EBF3: variants seen among roughly 807,000 people sequenced by gnomAD.
EBF3 encodes EBF transcription factor 3.
Under a neutral mutation model 77.1 loss-of-function variants are expected in EBF3, and 18 were observed. The ratio of observed to expected loss-of-function variants is 0.23; its 90% CI spans 0.16 to 0.35. EBF3 has a LOEUF of 0.35. EBF3 is among the 10% of genes least tolerant of loss of function. The pLI is 1.00. For missense variants in EBF3, 558 were observed against 860.0 expected, an observed-to-expected ratio of 0.65 and a Z score of 4.39; for synonymous variants, 350 against 343.5, an observed-to-expected ratio of 1.02 and a Z score of -0.21.
At chr10:129,892,170 C>T (rs1019248273) in intron 6 of EBF3, among the ~76,000 whole-genome samples, 2 of 152,226 alleles carry the variant, frequency 1.3e-5, no homozygotes, top group East Asian at 3.9e-4. Context: ...GGGTCCCAGG[C>T]TCCAACTGAT....
chr10:129,890,013 GCCCCATTAATTGTT>G (rs2134191884), intron 6 of EBF3, among the ~76,000 whole-genome samples: 1 of 114,538 alleles, frequency 8.7e-6, no homozygotes, highest in East Asian at 3.0e-4. Flanking sequence ...AGAGTCAAAA[GCCCCATTAATTGTT>G]CATGTACCAG....
rs985640579 is a variant in EBF3, at chr10:129,836,443, G to A, written c.*1500C>T. 38 of 152,562 alleles carry A rather than the reference G, an allele frequency of 2.5e-4. No individual in the cohort carries two copies. The highest frequency in any genetic ancestry group is 7.9e-4 in the African/African-American group (33 of 41,512). 9.5% of individuals were successfully genotyped at this position (152,562 alleles called of 1,614,324 possible). On this transcript the variant is annotated 3_prime_UTR_variant, in exon 17 of 17. Coordinates refer to ENST00000440978, the MANE Select transcript of EBF3 (RefSeq NM_001375380.1). ...GCCCCAAACGGTGTCACCTCTTCGC[G>A]GCCGCTCCACATGCACAGAATCTAC...
rs932001217 is a variant in EBF3, at chr10:129,947,380, T to C, written c.554+9878A>G. Among the ~76,000 whole-genome samples, 1 of 152,244 alleles carries C rather than the reference T, an allele frequency of 6.6e-6. No homozygotes were observed. Among genetic ancestry groups the C allele is most frequent in the African/African-American group, 2.4e-5 (1 of 41,468 alleles). ...GTTGTGTTTTACTGTCAGCAATGGC[T>C]AAAGCTGGCCTAACATTTTGTTTGG... On this transcript the variant is annotated intron_variant, in intron 6 of 16. Transcript: ENST00000440978. This position sits in a 1 kb window ranked among gnomAD's most constrained non-coding sequence, Gnocchi z 4.5.
rs1849586447 is a variant in EBF3, at chr10:129,835,936, A to AAAAGT, written c.*2002_*2006dup. The AAAAGT allele has an allele frequency of 6.6e-6, 1 of 152,532 alleles. No homozygotes were observed. The highest frequency in any genetic ancestry group is 6.5e-5 in the Admixed American group (1 of 15,268). The allele number at this position is 152,532 out of a possible 1,614,324, so 9.4% of individuals were successfully genotyped here. On this transcript the variant is annotated 3_prime_UTR_variant, in exon 17 of 17. Coordinates refer to ENST00000440978, the MANE Select transcript of EBF3 (RefSeq NM_001375380.1). ...ATCTGAAGGAGGTCATTCCAGTTTT[A>AAAAGT]AAAGTACGGACAGTGCTGTTGGAAC...
In EBF3 at chr10:129,959,221, C is replaced by T. The variant is rs539669784; in HGVS notation, c.412-214G>A. Among the ~76,000 whole-genome samples the T allele has an allele frequency of 3.5e-4, 53 of 152,276 alleles. 2 individuals carry two copies. In the South Asian group the frequency reaches 0.01, roughly 30 times the overall value. ...CCCTCCCCTGCCTCCCAGCCTCCTC[C>T]CCCGGGCGCCCGCCAGGCCTGCGAG... On this transcript the variant is annotated intron_variant, in intron 4 of 16. Coordinates refer to ENST00000440978, the MANE Select transcript of EBF3 (RefSeq NM_001375380.1).
At chr10:129,876,885 A>ACGC (rs1852810848) in intron 7 of EBF3, among the ~76,000 whole-genome samples, 1 of 42,368 alleles carries the variant, frequency 2.4e-5, no homozygotes, top group Non-Finnish European at 4.4e-5. Flanking sequence ...TCATCCCTGA[A>ACGC]CCCCCCCCCC....
intron 6 of EBF3, among the ~76,000 whole-genome samples, chr10:129,948,333 C>G (rs1430965145): frequency 6.7e-6 from 1 of 148,406 alleles, no homozygotes; most frequent in African/African-American, 2.5e-5. Flanking sequence ...GCTACCAACT[C>G]TACAACATTC....
At chr10:129,896,297 T>G (rs1015812958) in intron 6 of EBF3, among the ~76,000 whole-genome samples, 1 of 152,234 alleles carries the variant, frequency 6.6e-6, no homozygotes, top group Non-Finnish European at 1.5e-5. Flanking sequence ...GCAGCCACCA[T>G]GCAAAAACAA....
intron 8 of EBF3, among the ~76,000 whole-genome samples, chr10:129,868,644 G>A (rs1852198381): frequency 6.6e-6 from 1 of 152,214 alleles, no homozygotes. Context: ...GCAGAAGGAG[G>A]GTGCAGGGGG....
chr10:129,917,954 C>T (rs1484368401), intron 6 of EBF3, among the ~76,000 whole-genome samples: 1 of 152,172 alleles, frequency 6.6e-6, no homozygotes, highest in East Asian at 1.9e-4. Context: ...TACCAGAGGA[C>T]CCAGAATGGG....
chr10:129,921,060 A>G (rs920819571), intron 6 of EBF3, among the ~76,000 whole-genome samples: 26 of 152,242 alleles, frequency 1.7e-4, no homozygotes, highest in Admixed American at 5.9e-4. Flanking sequence ...AAGAAGCTCC[A>G]GCATAGACAG....
intron 6 of EBF3, among the ~76,000 whole-genome samples, chr10:129,923,934 C>T (rs1415943563): frequency 6.6e-6 from 1 of 152,160 alleles, no homozygotes; most frequent in Admixed American, 6.5e-5. Flanking sequence ...AACTCCTAAA[C>T]CTCAACACCA....
chr10:129,947,487 T>C lies in EBF3; in HGVS notation c.554+9771A>G, dbSNP rs1245153347. On this transcript the variant is annotated intron_variant, in intron 6 of 16. Coordinates refer to ENST00000440978, the MANE Select transcript of EBF3 (RefSeq NM_001375380.1). This position sits in a 1 kb window ranked among gnomAD's most constrained non-coding sequence, Gnocchi z 4.5. The stretch of plus-strand genomic sequence containing the variant: ...GAATGCTGAATTCATTCTGTTCTTA[T>C]GCCACGGTGCAGTATATTTGCCTTC... 6.6e-6 allele frequency among the ~76,000 whole-genome samples: 1 copy of C among 152,216 alleles called. No homozygotes were observed. The highest frequency in any genetic ancestry group is 1.5e-5 in the Non-Finnish European group (1 of 68,044).
Position 129,848,414 on chromosome 10 carries a change from C to G in EBF3, c.1106G>C (p.Gly369Ala), listed in dbSNP as rs773058094. 1 of 1,614,222 alleles carries G rather than the reference C, an allele frequency of 6.2e-7. No homozygotes were observed. Among genetic ancestry groups the G allele is most frequent in the Non-Finnish European group, 8.5e-7 (1 of 1,180,040 alleles). ...AACCTTGGGTAACCTTTCGGGATCA[C>G]CCGGATGTCTTGGGATCACTTTCTG... Reference protein sequence around the residue: ...RLQKVIPRHPGDPERLPKEVL... With the variant: ...RLQKVIPRHPADPERLPKEVL... The change falls in exon 11 of 17, where the codon GGT becomes GCT. Residue 369 changes from glycine to alanine, a missense_variant. By Grantham distance (60) the Gly-to-Ala change is moderately conservative. Coordinates refer to ENST00000440978, the MANE Select transcript of EBF3 (RefSeq NM_001375380.1). The surrounding 1 kb of genome is among the most constrained non-coding windows in gnomAD (Gnocchi z 4.4).
At chr10:129,941,110 C>T (rs888612803) in intron 6 of EBF3, among the ~76,000 whole-genome samples, 10 of 152,166 alleles carry the variant, frequency 6.6e-5, no homozygotes, top group South Asian at 2.1e-4. Context: ...TGGGAAAATG[C>T]GTTTATTTTA....
At chr10:129,911,802 C>T (rs1855542858) in intron 6 of EBF3, among the ~76,000 whole-genome samples, 1 of 152,212 alleles carries the variant, frequency 6.6e-6, no homozygotes, top group Admixed American at 6.5e-5. Context: ...AGCCCAAGCC[C>T]AGGTGGACTC....
At chr10:129,884,305 T>A (rs1853418765) in intron 6 of EBF3, among the ~76,000 whole-genome samples, 1 of 152,142 alleles carries the variant, frequency 6.6e-6, no homozygotes, top group Non-Finnish European at 1.5e-5. Flanking sequence ...TATACAAGAC[T>A]ACATTCTGCT....
At chr10:129,916,573 C>A (rs1855898713) in intron 6 of EBF3, among the ~76,000 whole-genome samples, 2 of 152,216 alleles carry the variant, frequency 1.3e-5, no homozygotes, top group South Asian at 4.1e-4. Context: ...CTCCAGGAGG[C>A]TCAGAGGAGC....
intron 6 of EBF3, among the ~76,000 whole-genome samples, chr10:129,898,010 T>C (rs1400023326): frequency 2.0e-5 from 3 of 152,216 alleles, no homozygotes; most frequent in Non-Finnish European, 2.9e-5. Flanking sequence ...TAAATTTTCA[T>C]ATGAAAAGAG....
Sources: allele counts gnomAD v4.1 joint callset (sites outside exome capture counted in the v4.1 genomes callset), GRCh38; gene constraint gnomAD v4.1.1; non-coding constraint Gnocchi (gnomAD v3.1); transcripts MANE v1.5; gene names NCBI Gene and HGNC (gene_info 2026-07-23, HGNC 2026-07-21).